Variants in SCD5 observed in about 807,000 individuals in gnomAD.
SCD5 encodes the protein stearoyl-CoA desaturase 5.
Under a neutral mutation model 30.4 loss-of-function variants are expected in SCD5, and 20 were observed. The ratio of observed to expected loss-of-function variants is 0.66; its 90% CI spans 0.46 to 0.96. SCD5 has a LOEUF of 0.96. SCD5 is among the 40% of genes least tolerant of loss of function. The pLI is 0.00. For synonymous variants in SCD5, 173 were observed against 176.4 expected, an observed-to-expected ratio of 0.98 and a Z score of 0.16; for missense variants, 381 against 443.3, an observed-to-expected ratio of 0.86 and a Z score of 1.26.
intron 3 of SCD5, 120 bp downstream of exon 3, chr4:82,680,587 G>T (rs940207264): frequency 1.0e-5 from 9 of 880,260 alleles, no homozygotes; most frequent in African/African-American, 1.7e-5. Flanking sequence ...TTATAAATAT[G>T]GCAAAATTGT....
rs150465136 is a variant in SCD5, at chr4:82,675,971, C to T, written c.569+4736G>A. Among the ~76,000 whole-genome samples, 40 of 152,332 alleles carry T rather than the reference C, an allele frequency of 2.6e-4. No homozygotes were observed. The East Asian group carries it at 5.0e-3, about 19-fold the overall frequency. On this transcript the variant is annotated intron_variant, in intron 3 of 4. Transcript: ENST00000319540. ...CAAGATTTTATTCAAGGGTCCAACG[C>T]ATTAACCATGAGAATACATTTCCCT...
intron 1 of SCD5, among the ~76,000 whole-genome samples, chr4:82,722,484 C>T (rs936639956): frequency 6.6e-6 from 1 of 152,212 alleles, no homozygotes; most frequent in East Asian, 1.9e-4. Flanking sequence ...GTATTCCCAG[C>T]TGGGCATGGT....
chr4:82,676,654 T>A (rs996125833), intron 3 of SCD5, among the ~76,000 whole-genome samples: 13 of 152,172 alleles, frequency 8.5e-5, no homozygotes, highest in Admixed American at 8.5e-4. Flanking sequence ...ACCCTAGGAA[T>A]CCAGGGCCTG....
intron 1 of SCD5, among the ~76,000 whole-genome samples, chr4:82,787,245 T>C (rs2148853166): frequency 6.6e-6 from 1 of 152,142 alleles, no homozygotes; most frequent in Middle Eastern, 3.4e-3. Flanking sequence ...ACGATCAGTC[T>C]GGGGAAAGTA....
chr4:82,751,139 G>A (rs969497986), intron 1 of SCD5, among the ~76,000 whole-genome samples: 8 of 152,062 alleles, frequency 5.3e-5, no homozygotes, highest in East Asian at 3.8e-4. Context: ...AATAAGTATC[G>A]GTGGAATAAA....
intron 1 of SCD5, among the ~76,000 whole-genome samples, chr4:82,715,819 A>C (rs777398150): frequency 2.6e-5 from 4 of 151,766 alleles, no homozygotes; most frequent in Admixed American, 6.6e-5. Flanking sequence ...CATGTAAAAC[A>C]AGATGACTAA....
At chr4:82,637,500 A>G (rs996620282) in intron 3 of SCD5, among the ~76,000 whole-genome samples, 17 of 152,256 alleles carry the variant, frequency 1.1e-4, no homozygotes, top group African/African-American at 4.1e-4. Flanking sequence ...CCTGAGTGTT[A>G]CTGATGCATG....
intron 3 of SCD5, among the ~76,000 whole-genome samples, chr4:82,678,467 G>GA (rs1264125264): frequency 2.0e-5 from 3 of 152,148 alleles, no homozygotes; most frequent in African/African-American, 7.2e-5. Flanking sequence ...TAATAAAACA[G>GA]AAAATCTTTT....
chr4:82,685,038 G>A (rs1386156136), intron 2 of SCD5, among the ~76,000 whole-genome samples: 1 of 152,148 alleles, frequency 6.6e-6, no homozygotes, highest in East Asian at 1.9e-4. Flanking sequence ...TTGCAACTTA[G>A]AGTTTATACT....
intron 3 of SCD5, among the ~76,000 whole-genome samples, chr4:82,637,508 A>G (rs1727458067): frequency 6.6e-6 from 1 of 152,352 alleles, no homozygotes. Flanking sequence ...TTACTGATGC[A>G]TGAGCTAAGT....
At chr4:82,641,439 GAGA>G (rs1413241852) in intron 3 of SCD5, among the ~76,000 whole-genome samples, 1 of 152,086 alleles carries the variant, frequency 6.6e-6, no homozygotes, top group Non-Finnish European at 1.5e-5. Flanking sequence ...AAAAAAAGCA[GAGA>G]AGGAGAATAT....
chr4:82,684,137 T>C (rs1334677447), intron 2 of SCD5, among the ~76,000 whole-genome samples: 4 of 152,316 alleles, frequency 2.6e-5, no homozygotes, highest in Non-Finnish European at 4.4e-5. Context: ...GATATTTATT[T>C]TCATTCCTTT....
In SCD5 at chr4:82,719,060, C is replaced by G. The variant is rs577725899; in HGVS notation, c.233-13647G>C. 2.6e-5 allele frequency among the ~76,000 whole-genome samples: 4 copies of G among 151,820 alleles called. No homozygotes were observed. The East Asian group carries it at 7.7e-4, about 29-fold the overall frequency. The stretch of plus-strand genomic sequence containing the variant: ...AGCCGAGTTCTCAAACTGGCAGCCC[C>G]CAGGCCACAACCAACCCACAGATTT... On this transcript the variant is annotated intron_variant, in intron 1 of 4. Coordinates refer to ENST00000319540, the MANE Select transcript of SCD5 (RefSeq NM_001037582.3).
At position 82,746,253 on chromosome 4, in the gene SCD5, A is replaced by G. The variant is rs186033870; in HGVS notation, c.233-40840T>C. 4.7e-4 allele frequency among the ~76,000 whole-genome samples: 71 copies of G among 152,332 alleles called. 3 individuals carry two copies. In the East Asian group the frequency reaches 7.3e-3, roughly 16 times the overall value. ...TATGGAAGCAATACCAGATTGCAGG[A>G]AAATGGGAACCAGAGGAAAATACTC... is the stretch of plus-strand genomic sequence containing the variant. On this transcript the variant is annotated intron_variant, in intron 1 of 4. Coordinates refer to ENST00000319540, the MANE Select transcript of SCD5 (RefSeq NM_001037582.3).
chr4:82,669,449 G>C (rs974014744), intron 3 of SCD5, among the ~76,000 whole-genome samples: 1 of 152,214 alleles, frequency 6.6e-6, no homozygotes, highest in Non-Finnish European at 1.5e-5. Flanking sequence ...AGAGATGTGA[G>C]ATTACAGGGA....
At chr4:82,748,051 T>C (rs1252118732) in intron 1 of SCD5, among the ~76,000 whole-genome samples, 1 of 152,222 alleles carries the variant, frequency 6.6e-6, no homozygotes, top group Non-Finnish European at 1.5e-5. Flanking sequence ...GTGAAAGCTT[T>C]TGTTCATGTT....
intron 1 of SCD5, among the ~76,000 whole-genome samples, chr4:82,792,023 C>T (rs1456346803): frequency 1.3e-5 from 2 of 152,072 alleles, no homozygotes; most frequent in Non-Finnish European, 2.9e-5. Context: ...TTTGGGAGGC[C>T]GAGGAGGGCG....
chr4:82,770,410 T>C (rs550103576), intron 1 of SCD5, among the ~76,000 whole-genome samples: 2 of 152,350 alleles, frequency 1.3e-5, no homozygotes, highest in African/African-American at 2.4e-5. Flanking sequence ...TAAGGGTTGA[T>C]GAGTTGCAGC....
chr4:82,712,474 C>T (rs556336072), intron 1 of SCD5, among the ~76,000 whole-genome samples: 48 of 149,566 alleles, frequency 3.2e-4, no homozygotes, highest in African/African-American at 1.1e-3. Context: ...TGTGCCATCA[C>T]GCCTGGCTAA....
Sources: gnomAD v4.1 joint callset for allele counts (sites outside exome capture counted in the v4.1 genomes callset) on GRCh38, gnomAD v4.1.1 for gene constraint, MANE v1.5 for transcripts, NCBI Gene and HGNC (gene_info 2026-07-23, HGNC 2026-07-21) for gene names.